KIF24: variants seen among roughly 807,000 people sequenced by gnomAD.
KIF24 encodes the protein kinesin family member 24.
KIF24 carries 81 observed loss-of-function variants against 118.9 expected under a neutral mutation model. That is an observed-to-expected ratio of 0.68 (90% CI 0.57 to 0.82). The LOEUF is 0.82. Ranked by LOEUF, KIF24 falls within the 40% of genes least tolerant of loss-of-function variation. KIF24 has a pLI of 0.00. For synonymous variants in KIF24, 599 were observed against 610.0 expected (o/e 0.98, Z 0.27); for missense variants, 1,560 against 1,661.6 (o/e 0.94, Z 1.06).
At chr9:34,275,150 C>T (rs533877615) in intron 6 of KIF24, among the ~76,000 whole-genome samples, 134 of 151,984 alleles carry the variant, frequency 8.8e-4, no homozygotes, top group African/African-American at 3.0e-3. Flanking sequence ...TCCCAGCAGT[C>T]TGGGAGGCTA....
At chr9:34,275,772 G>T (rs1223002690) in intron 6 of KIF24, among the ~76,000 whole-genome samples, 1 of 152,018 alleles carries the variant, frequency 6.6e-6, no homozygotes, top group East Asian at 1.9e-4. Context: ...CCCAGGAGGC[G>T]GAGGTTGCAG....
rs1195287194 is a variant in KIF24 at position 34,253,328 on chromosome 9, G to GTAAT, written c.*1048_*1051dup. 1 of 152,254 alleles carries GTAAT rather than the reference G, an allele frequency of 6.6e-6. No homozygotes were observed. Among genetic ancestry groups the GTAAT allele is most frequent in the Non-Finnish European group, 1.5e-5 (1 of 68,048 alleles). The allele number at this position is 152,254 out of a possible 1,614,324, so 9.4% of individuals were successfully genotyped here. A position where few individuals can be genotyped will look rare whatever the true frequency, so the allele number is the denominator to read the frequency against. ...CCATTTGACCCAGAGTGGCTTTAAA[G>GTAAT]TAATTGGCACCTGGAGGCTACTTTG... On this transcript the variant is annotated 3_prime_UTR_variant, in exon 13 of 13. Coordinates refer to ENST00000402558, the MANE Select transcript of KIF24 (RefSeq NM_194313.4).
rs769875083 is a variant in KIF24, at chr9:34,255,980, T to C, written c.3627A>G (p.Arg1209=). 1.2e-5 allele frequency: 19 copies of C among 1,613,824 alleles called. No individual in the cohort carries two copies. The highest frequency in any genetic ancestry group is 1.6e-5 in the Non-Finnish European group (19 of 1,179,876). ...GGTCAGCCACATCACTACTTCCTGT[T>C]CGTGGGGTGAGTGTAGGTCCAGAAT... ...VPHSGPTLTP[R]TGSSDVADQL... Residue 1209 remains arginine, a synonymous_variant, in exon 11 of 13, where the codon CGA becomes CGG. Coordinates refer to ENST00000402558, the MANE Select transcript of KIF24 (RefSeq NM_194313.4).
At chr9:34,304,424 T>C (rs186119666) in intron 3 of KIF24, among the ~76,000 whole-genome samples, 28 of 152,214 alleles carry the variant, frequency 1.8e-4, no homozygotes, top group African/African-American at 5.8e-4. Context: ...GTTATTGTGT[T>C]TGGGGATAAC....
intron 9 of KIF24, among the ~76,000 whole-genome samples, chr9:34,262,048 C>T (rs1835076462): frequency 6.6e-6 from 1 of 152,196 alleles, no homozygotes; most frequent in South Asian, 2.1e-4. Context: ...ATCCTCCCGC[C>T]TCAGCCTCCC....
intron 8 of KIF24, among the ~76,000 whole-genome samples, chr9:34,266,636 C>T (rs1354645411): frequency 2.0e-5 from 3 of 150,420 alleles, no homozygotes; most frequent in Admixed American, 1.3e-4. Flanking sequence ...CAAGATTGTG[C>T]CACTGTACTC....
chr9:34,331,254 CAG>C (rs1292363043), upstream of KIF24, among the ~76,000 whole-genome samples: 3 of 152,116 alleles, frequency 2.0e-5, no homozygotes, highest in South Asian at 4.1e-4. Flanking sequence ...TTCTTTAAAA[CAG>C]AGAAGCTTTT....
At chr9:34,296,399 C>G (rs1039324420) in intron 4 of KIF24, among the ~76,000 whole-genome samples, 18 of 151,186 alleles carry the variant, frequency 1.2e-4, no homozygotes, top group Middle Eastern at 3.4e-3. Context: ...TGGTGGCGGG[C>G]GCCTGTAGTC....
At chr9:34,315,643 G>C (rs1362838734) in intron 1 of KIF24, among the ~76,000 whole-genome samples, 1 of 152,178 alleles carries the variant, frequency 6.6e-6, no homozygotes, top group Non-Finnish European at 1.5e-5. Flanking sequence ...GACAAAAGCA[G>C]TATGATCCCA....
At chr9:34,301,861 C>A (rs1405761155) in intron 3 of KIF24, among the ~76,000 whole-genome samples, 1 of 151,774 alleles carries the variant, frequency 6.6e-6, no homozygotes, top group Non-Finnish European at 1.5e-5. Flanking sequence ...ACCAAAATTA[C>A]AATAGAGAAC....
At chr9:34,285,345 G>A (rs1483082590) in intron 6 of KIF24, among the ~76,000 whole-genome samples, 1 of 152,136 alleles carries the variant, frequency 6.6e-6, no homozygotes, top group African/African-American at 2.4e-5. Context: ...TTTAAAATAA[G>A]GGCCAGGTGC....
In KIF24 at chr9:34,255,981, C is replaced by T. The variant is rs141907427; in HGVS notation, c.3626G>A (p.Arg1209Gln). The change falls in exon 11 of 13, where the codon CGA (arginine) becomes CAA (glutamine). Residue 1209 changes from arginine to glutamine, a missense_variant. Physicochemically the swap from Arg to Gln is conservative, Grantham distance 43 (BLOSUM62 1). This residue lies in a region of KIF24 where 591 missense variants were observed against 655.6 expected (regional missense o/e 0.90). Coordinates refer to ENST00000402558, the MANE Select transcript of KIF24 (RefSeq NM_194313.4). ...GTCAGCCACATCACTACTTCCTGTTCGTGGGGTGAGTGTAGGTCCAGAATG... is the reference window on the plus strand; with the variant it reads ...GTCAGCCACATCACTACTTCCTGTTTGTGGGGTGAGTGTAGGTCCAGAATG... ...VPHSGPTLTP[R>Q]TGSSDVADQL... 13 of 1,613,832 alleles carry T rather than the reference C, an allele frequency of 8.1e-6. No homozygotes were observed. The highest frequency in any genetic ancestry group is 3.3e-5 in the South Asian group (3 of 91,070).
chr9:34,312,491 G>A (rs1017701736), intron 1 of KIF24, among the ~76,000 whole-genome samples: 2 of 152,124 alleles, frequency 1.3e-5, no homozygotes, highest in African/African-American at 4.8e-5. Context: ...CAAAAATTCA[G>A]TTAGGTAACT....
At chr9:34,302,298 C>A (rs997814790) in intron 3 of KIF24, among the ~76,000 whole-genome samples, 2 of 151,390 alleles carry the variant, frequency 1.3e-5, no homozygotes, top group Non-Finnish European at 2.9e-5. Flanking sequence ...GGTGCCTGGC[C>A]TCTTTTTCTT....
intron 4 of KIF24, among the ~76,000 whole-genome samples, chr9:34,294,122 T>TA (rs1238058119): frequency 6.6e-6 from 1 of 152,090 alleles, no homozygotes; most frequent in African/African-American, 2.4e-5. Context: ...CCCAGCTAAT[T>TA]AAAAAAATTT....
chr9:34,295,777 A>G (rs1265623980), intron 4 of KIF24, among the ~76,000 whole-genome samples: 3 of 152,078 alleles, frequency 2.0e-5, no homozygotes, highest in Non-Finnish European at 4.4e-5. Context: ...GGCTCAAGCT[A>G]TCCTCCTGTC....
rs753533636 is a variant in KIF24 at position 34,257,781 on chromosome 9, T to C, written c.1826A>G (p.His609Arg). 2.5e-5 allele frequency: 41 copies of C among 1,613,918 alleles called. 1 individual carries two copies. The South Asian group carries it at 4.2e-4, about 16-fold the overall frequency. ...GTTGGGTGGGTGGCTGGTCAGAGGA[T>C]GGACCTTCCCTCTCGTGGAACCAGG... ...AAPGSTRGKV[H>R]PLTSHPPNIP... Residue 609 changes from histidine (H) to arginine (R), a missense_variant, in exon 11 of 13, where the codon CAT (histidine) becomes CGT (arginine). Coordinates refer to ENST00000402558, the MANE Select transcript of KIF24 (RefSeq NM_194313.4).
chr9:34,289,584 T>C (rs1836175794), intron 5 of KIF24, among the ~76,000 whole-genome samples: 1 of 152,204 alleles, frequency 6.6e-6, no homozygotes, highest in South Asian at 2.1e-4. Flanking sequence ...AAGTCATCTG[T>C]TTCAACCTAA....
At chr9:34,262,731 T>C (rs1478452366) in intron 9 of KIF24, among the ~76,000 whole-genome samples, 1 of 123,100 alleles carries the variant, frequency 8.1e-6, no homozygotes, top group African/African-American at 3.2e-5. Flanking sequence ...CATGATGGCA[T>C]ATGCCTGTAG....
Sources: gnomAD v4.1 joint callset for allele counts (sites outside exome capture counted in the v4.1 genomes callset) on GRCh38, gnomAD v4.1.1 for gene constraint, gnomAD v4.1.1 regional missense constraint, MANE v1.5 for transcripts, NCBI Gene and HGNC (gene_info 2026-07-23, HGNC 2026-07-21) for gene names.